CPED1: variants seen among roughly 807,000 people sequenced by gnomAD.
The protein encoded by CPED1 is cadherin like and PC-esterase domain containing 1, also known as cadherin-like and PC-esterase domain-containing protein 1.
A neutral mutation model predicts 128.2 loss-of-function variants in CPED1; 114 were observed. That is an observed-to-expected ratio of 0.89 (90% confidence interval 0.76 to 1.04). CPED1 has a LOEUF of 1.04. CPED1 is among the 50% of genes least tolerant of loss of function. The pLI, the probability that CPED1 is intolerant of heterozygous loss-of-function variation, is 0.00. For synonymous variants in CPED1, 462 were observed against 426.7 expected, an observed-to-expected ratio of 1.08 and a Z score of -1.02; for missense variants, 1,211 against 1,207.1, an observed-to-expected ratio of 1.00 and a Z score of -0.05.
intron 7 of CPED1, among the ~76,000 whole-genome samples, chr7:121,102,228 A>G (rs954369635): frequency 2.0e-5 from 3 of 151,978 alleles, no homozygotes; most frequent in Non-Finnish European, 2.9e-5. Context: ...TAAATTCCTC[A>G]TCTATCAGTT....
intron 4 of CPED1, among the ~76,000 whole-genome samples, 161 bp from the exon 5 acceptor site, chr7:121,064,075 ATT>A (rs1299649485): frequency 6.6e-6 from 1 of 152,146 alleles, no homozygotes; most frequent in Non-Finnish European, 1.5e-5. Flanking sequence ...AAGCTACTTC[ATT>A]ATTCTGGATT....
At position 121,258,250 on chromosome 7, in the gene CPED1, T is replaced by C. The variant is rs527609198; in HGVS notation, c.2311-7977T>C. On this transcript the variant is annotated intron_variant, in intron 18 of 22. Transcript: ENST00000310396. ...ACTTTTTTGATATTATGTTGTTCAT[T>C]CATTCAATGTTTGTTGAACCAAATA... 9.2e-5 allele frequency among the ~76,000 whole-genome samples: 14 copies of C among 152,250 alleles called. No homozygotes were observed. The East Asian group carries it at 2.7e-3, about 29-fold the overall frequency.
chr7:121,223,072 G>A (rs1797920669), intron 16 of CPED1, among the ~76,000 whole-genome samples: 1 of 152,116 alleles, frequency 6.6e-6, no homozygotes, highest in South Asian at 2.1e-4. Context: ...TGTCCATTCA[G>A]TATGATATTG....
chr7:121,266,620 A>G, intron 19 of CPED1, 87 bp from the exon 20 acceptor site: 1 of 1,202,068 alleles, frequency 8.3e-7, no homozygotes, highest in Non-Finnish European at 1.2e-6. Flanking sequence ...TCAAGATGCC[A>G]GATACAGTGA....
chr7:121,050,708 A>C (rs2116916196), intron 4 of CPED1: 1 of 418,154 alleles, frequency 2.4e-6, no homozygotes, highest in African/African-American at 2.0e-5. Flanking sequence ...CAGGTGATCC[A>C]CCGCCTCGGC....
intron 16 of CPED1, among the ~76,000 whole-genome samples, chr7:121,165,062 T>A (rs941739153): frequency 6.6e-6 from 1 of 152,200 alleles, no homozygotes; most frequent in African/African-American, 2.4e-5. Flanking sequence ...CTTACATTTG[T>A]GTATTTCAAT....
chr7:121,072,622 G>GT (rs1205416764), intron 5 of CPED1, among the ~76,000 whole-genome samples: 8 of 152,090 alleles, frequency 5.3e-5, no homozygotes, highest in Non-Finnish European at 8.8e-5. Flanking sequence ...TACCCCTAGA[G>GT]TTTTTTCCAG....
chr7:121,023,479 C>T (rs963963615), intron 3 of CPED1, among the ~76,000 whole-genome samples: 2 of 152,088 alleles, frequency 1.3e-5, no homozygotes, highest in Admixed American at 1.3e-4. Flanking sequence ...AAATAACCAC[C>T]AAAGCTTTTT....
At chr7:121,063,976 T>G (rs1266119592) in intron 4 of CPED1, among the ~76,000 whole-genome samples, 2 of 152,210 alleles carry the variant, frequency 1.3e-5, no homozygotes, top group African/African-American at 4.8e-5. Flanking sequence ...ATATCATGGC[T>G]TCAAAATATG....
intron 2 of CPED1, among the ~76,000 whole-genome samples, chr7:121,007,737 T>C (rs1196237528): frequency 6.6e-6 from 1 of 152,194 alleles, no homozygotes; most frequent in African/African-American, 2.4e-5. Context: ...ATGTTTTCAT[T>C]CTCTGTACCT....
intron 3 of CPED1, among the ~76,000 whole-genome samples, chr7:121,044,380 G>A (rs748949060): frequency 6.6e-6 from 1 of 152,172 alleles, no homozygotes; most frequent in Non-Finnish European, 1.5e-5. Flanking sequence ...TTTAGACCGT[G>A]CTAGCAAGCA....
At chr7:121,157,606 T>C (rs1013032474) in intron 16 of CPED1, among the ~76,000 whole-genome samples, 1 of 152,118 alleles carries the variant, frequency 6.6e-6, no homozygotes, top group Non-Finnish European at 1.5e-5. Context: ...TCACCCTGCA[T>C]ATCAGTAAAC....
At chr7:121,267,061 C>T (rs528816068) in intron 20 of CPED1, among the ~76,000 whole-genome samples, 154 bp from the exon 21 acceptor site, 23 of 151,976 alleles carry the variant, frequency 1.5e-4, no homozygotes, top group South Asian at 1.2e-3. Context: ...TTAAAAAAAC[C>T]GTATTATACA....
At chr7:121,114,369 GC>G (rs1171816417) in intron 7 of CPED1, among the ~76,000 whole-genome samples, 2 of 152,138 alleles carry the variant, frequency 1.3e-5, no homozygotes, top group African/African-American at 4.8e-5. Flanking sequence ...AATGCCTGAG[GC>G]AAGGATGCTA....
chr7:121,063,289 C>T (rs1793728631), intron 4 of CPED1, among the ~76,000 whole-genome samples: 2 of 136,446 alleles, frequency 1.5e-5, no homozygotes, highest in Non-Finnish European at 3.1e-5. Context: ...GTTTTTAGAA[C>T]TGTATCTTAT....
chr7:121,112,782 C>T (rs1048570907), intron 7 of CPED1, among the ~76,000 whole-genome samples: 30 of 152,178 alleles, frequency 2.0e-4, no homozygotes, highest in African/African-American at 7.2e-4. Flanking sequence ...CAAAGTCACA[C>T]TGCGAAGGGG....
chr7:121,036,400 T>A (rs564987679), intron 3 of CPED1, among the ~76,000 whole-genome samples: 45 of 152,136 alleles, frequency 3.0e-4, no homozygotes, highest in Middle Eastern at 3.4e-3. Context: ...TTACTTCATT[T>A]AGAATAATAG....
Position 121,244,258 on chromosome 7 carries a change from G to A in CPED1, c.2230G>A (p.Glu744Lys), listed in dbSNP as rs780535204. Reference protein sequence around the residue: ...CSDNRTCDWREITWQPHNCQY... With the variant: ...CSDNRTCDWRKITWQPHNCQY... Reference sequence around the variant, plus strand: ...GGACAACAGGACGTGTGACTGGAGAGAAATAACCTGGCAGCCCCACAACTG... The same window carrying A: ...GGACAACAGGACGTGTGACTGGAGAAAAATAACCTGGCAGCCCCACAACTG... Residue 744 changes from glutamate to lysine, a missense_variant, in exon 18 of 23, where the codon GAA becomes AAA. Physicochemically the swap from Glu to Lys is moderately conservative, Grantham distance 56. Coordinates refer to ENST00000310396, the MANE Select transcript of CPED1 (RefSeq NM_024913.5). The A allele has an allele frequency of 1.2e-6, 2 of 1,614,060 alleles. No individual in the cohort carries two copies. The highest frequency in any genetic ancestry group is 1.7e-5 in the Admixed American group (1 of 60,000).
intron 7 of CPED1, among the ~76,000 whole-genome samples, chr7:121,121,412 C>T (rs886131859): frequency 6.6e-6 from 1 of 152,144 alleles, no homozygotes; most frequent in Non-Finnish European, 1.5e-5. Context: ...CATTAGCTGA[C>T]TGGTTTTACG....
Sources: allele counts gnomAD v4.1 joint callset (sites outside exome capture counted in the v4.1 genomes callset), GRCh38; gene constraint gnomAD v4.1.1; transcripts MANE v1.5; gene names NCBI Gene and HGNC (gene_info 2026-07-23, HGNC 2026-07-21).